TMEM132D: variants seen among roughly 807,000 people sequenced by gnomAD.
TMEM132D encodes transmembrane protein 132D.
In TMEM132D, 21 loss-of-function variants were observed where a neutral mutation model predicts 62.3. That is an observed-to-expected ratio of 0.34 (90% CI 0.24 to 0.49). The LOEUF (loss-of-function observed/expected upper bound fraction) is 0.49, where lower values mean the gene tolerates loss of function less well. Among genes scored for constraint, TMEM132D ranks in the 20% least tolerant of loss-of-function variants. The pLI, the probability that TMEM132D is intolerant of heterozygous loss-of-function variation, is 0.99. For missense variants in TMEM132D, 1,346 were observed against 1,402.8 expected (o/e 0.96, Z 0.65); for synonymous variants, 621 against 575.6 (o/e 1.08, Z -1.13).
intron 1 of TMEM132D, among the ~76,000 whole-genome samples, chr12:129,764,327 G>A (rs1271817674): frequency 1.3e-5 from 2 of 152,180 alleles, no homozygotes; most frequent in Non-Finnish European, 2.9e-5. Flanking sequence ...CGTCTTCCTA[G>A]ACTTCCACCC....
At chr12:129,788,312 C>G (rs1009851099) in intron 1 of TMEM132D, among the ~76,000 whole-genome samples, 2 of 152,226 alleles carry the variant, frequency 1.3e-5, no homozygotes, top group African/African-American at 4.8e-5. Flanking sequence ...GGGATCAATT[C>G]CAAATATCAG....
At chr12:129,436,089 AG>A (rs1054528385) in intron 3 of TMEM132D, among the ~76,000 whole-genome samples, 5 of 152,078 alleles carry the variant, frequency 3.3e-5, no homozygotes, top group African/African-American at 1.2e-4. Context: ...TGCAGCTGTG[AG>A]GGTCGGAGCC....
chr12:129,357,788 G>A (rs570502224), intron 3 of TMEM132D, among the ~76,000 whole-genome samples: 15 of 152,222 alleles, frequency 9.9e-5, no homozygotes, highest in East Asian at 1.9e-4. Context: ...AATCTTCGTC[G>A]GCAATGGCAC....
intron 2 of TMEM132D, among the ~76,000 whole-genome samples, chr12:129,584,277 T>C (rs1265057319): frequency 2.0e-5 from 3 of 152,236 alleles, no homozygotes; most frequent in African/African-American, 7.2e-5. Context: ...ATTGCTAATA[T>C]AAGTGATAGA....
intron 2 of TMEM132D, among the ~76,000 whole-genome samples, chr12:129,674,308 A>G (rs952893754): frequency 2.0e-5 from 3 of 152,202 alleles, no homozygotes; most frequent in Non-Finnish European, 4.4e-5. Context: ...AATAAAATGG[A>G]TAAATTCACC....
intron 5 of TMEM132D, among the ~76,000 whole-genome samples, chr12:129,179,287 T>G (rs1877996764): frequency 6.6e-6 from 1 of 152,164 alleles, no homozygotes; most frequent in Non-Finnish European, 1.5e-5. Flanking sequence ...ACTTTGCAGA[T>G]GTGGGGAAGG....
intron 2 of TMEM132D, among the ~76,000 whole-genome samples, chr12:129,646,974 AT>A (rs1334738019): frequency 6.6e-6 from 1 of 151,576 alleles, no homozygotes; most frequent in Admixed American, 6.6e-5. Flanking sequence ...AATTTTTTGT[AT>A]TTTTAGTAGA....
At chr12:129,470,814 T>C (rs7309727) in intron 3 of TMEM132D, among the ~76,000 whole-genome samples, 113,137 of 152,070 alleles carry the variant, frequency 0.74, 42,124 homozygotes, top group Middle Eastern at 0.79. Flanking sequence ...CCTTTTGTCC[T>C]TAGAAACACA....
chr12:129,708,807 A>G (rs905457684), intron 1 of TMEM132D, among the ~76,000 whole-genome samples: 1 of 152,112 alleles, frequency 6.6e-6, no homozygotes, highest in Non-Finnish European at 1.5e-5. Flanking sequence ...TGGCAACCCA[A>G]CTTAGGGAGA....
chr12:129,331,946 C>T (rs1206644340), intron 4 of TMEM132D, among the ~76,000 whole-genome samples: 1 of 152,194 alleles, frequency 6.6e-6, no homozygotes, highest in Non-Finnish European at 1.5e-5. Flanking sequence ...TGCAATGGCT[C>T]ATGCCCCTAA....
intron 2 of TMEM132D, among the ~76,000 whole-genome samples, chr12:129,570,704 T>C (rs1484937529): frequency 6.6e-6 from 1 of 152,262 alleles, no homozygotes; most frequent in Non-Finnish European, 1.5e-5. Flanking sequence ...AGGTGGTTGA[T>C]TCTGGTAGGA....
chr12:129,644,579 A>T (rs896804011), intron 2 of TMEM132D, among the ~76,000 whole-genome samples: 3 of 152,138 alleles, frequency 2.0e-5, no homozygotes, highest in African/African-American at 7.2e-5. Flanking sequence ...TGCAGTTACC[A>T]TTTTACAGTG....
At chr12:129,175,772 A>G (rs1272383840) in intron 5 of TMEM132D, among the ~76,000 whole-genome samples, 1 of 152,174 alleles carries the variant, frequency 6.6e-6, no homozygotes, top group South Asian at 2.1e-4. Flanking sequence ...TACATAATTT[A>G]TTACTGATGC....
In TMEM132D at chr12:129,359,078, C is replaced by T. The variant is rs150786659; in HGVS notation, c.1116-21261G>A. ...AAAATGTAGTATATCCACATGATGGCATATTATTCAGTTACAAGAAGGAAA... is the reference window on the plus strand; with the variant it reads ...AAAATGTAGTATATCCACATGATGGTATATTATTCAGTTACAAGAAGGAAA... On this transcript the variant is annotated intron_variant, in intron 3 of 8. Transcript: ENST00000422113. Among the ~76,000 whole-genome samples the T allele has an allele frequency of 1.0e-3, 154 of 152,134 alleles. 1 individual carries two copies. Among genetic ancestry groups the T allele is most frequent in the African/African-American group, 3.4e-3 (143 of 41,490 alleles).
At chr12:129,864,299 G>A (rs1171313684) in intron 1 of TMEM132D, among the ~76,000 whole-genome samples, 1 of 152,158 alleles carries the variant, frequency 6.6e-6, no homozygotes, top group Non-Finnish European at 1.5e-5. Flanking sequence ...CTCAGCAGAG[G>A]CCCCAGACAT....
chr12:129,810,292 CAT>C (rs1356121869), intron 1 of TMEM132D, among the ~76,000 whole-genome samples: 9 of 152,004 alleles, frequency 5.9e-5, no homozygotes, highest in Admixed American at 3.3e-4. Context: ...AATGATTGTC[CAT>C]ATATTTTTTT....
intron 1 of TMEM132D, among the ~76,000 whole-genome samples, chr12:129,860,981 T>G (rs1436011163): frequency 6.6e-6 from 1 of 152,292 alleles, no homozygotes; most frequent in Admixed American, 6.5e-5. Flanking sequence ...CAATTCAAGA[T>G]GAGATTTGGG....
intron 2 of TMEM132D, among the ~76,000 whole-genome samples, chr12:129,551,881 T>C (rs1438266970): frequency 1.3e-5 from 2 of 152,112 alleles, no homozygotes; most frequent in Non-Finnish European, 2.9e-5. Flanking sequence ...ATAAAGAGAA[T>C]AAAGAGAACT....
intron 1 of TMEM132D, among the ~76,000 whole-genome samples, chr12:129,722,887 A>G (rs2044927): frequency 0.83 from 125,561 of 151,870 alleles, 52,433 homozygotes; most frequent in Non-Finnish European, 0.9. Flanking sequence ...CTACAGGCAT[A>G]TGACACCACA....
Sources: allele counts gnomAD v4.1 joint callset (sites outside exome capture counted in the v4.1 genomes callset), GRCh38; gene constraint gnomAD v4.1.1; transcripts MANE v1.5; gene names NCBI Gene and HGNC (gene_info 2026-07-23, HGNC 2026-07-21).